PXDNL: variants seen among roughly 807,000 people sequenced by gnomAD.
PXDNL encodes probable oxidoreductase PXDNL.
Under a neutral mutation model 150.8 loss-of-function variants are expected in PXDNL, and 145 were observed. That is an observed-to-expected ratio of 0.96 (90% CI 0.84 to 1.10). PXDNL has a LOEUF of 1.10. Among genes scored for constraint, PXDNL ranks in the 50% least tolerant of loss-of-function variants. The pLI is 0.00. For synonymous variants in PXDNL, 757 were observed against 725.7 expected (o/e 1.04, Z -0.69); for missense variants, 2,087 against 1,873.9 (o/e 1.11, Z -2.10).
chr8:51,447,184 G>A, intron 11 of PXDNL, 22 bp from the exon 12 acceptor site: 1 of 1,611,122 alleles, frequency 6.2e-7, no homozygotes, highest in Non-Finnish European at 8.5e-7. Flanking sequence ...GGTAAAGAAA[G>A]TATTCTTCAT....
At chr8:51,651,064 C>CA (rs1815023212) in intron 2 of PXDNL, among the ~76,000 whole-genome samples, 1 of 152,022 alleles carries the variant, frequency 6.6e-6, no homozygotes, top group Non-Finnish European at 1.5e-5. Context: ...TATCAATATA[C>CA]AAAAATCAAT....
At chr8:51,337,001 T>C (rs1250698751) in intron 21 of PXDNL, among the ~76,000 whole-genome samples, 1 of 152,168 alleles carries the variant, frequency 6.6e-6, no homozygotes, top group Non-Finnish European at 1.5e-5. Context: ...AAACACAGAC[T>C]TTGTATCAGG....
intron 19 of PXDNL, among the ~76,000 whole-genome samples, chr8:51,363,499 C>A (rs985702114): frequency 2.0e-5 from 3 of 152,010 alleles, no homozygotes; most frequent in African/African-American, 7.2e-5. Flanking sequence ...ATTGAGCAAG[C>A]AGGGGGTACA....
chr8:51,409,253 C>CCG lies in PXDNL; in HGVS notation c.2369_2370dup (p.Ala791ArgfsTer21), dbSNP rs765630593. On this transcript the variant is annotated frameshift_variant, in exon 17 of 23. Coordinates refer to ENST00000356297, the MANE Select transcript of PXDNL (RefSeq NM_144651.5). LOFTEE classifies it high-confidence loss of function. ...TAGCTGTGGTCGGGGGTGACGGCCG[C>CCG]CGCGCGCGCCCACACTGTGGCGACC... 3 of 1,492,580 alleles carry CCG rather than the reference C, an allele frequency of 2.0e-6. No homozygotes were observed. The highest frequency in any genetic ancestry group is 1.3e-5 in the South Asian group (1 of 76,826). 92.5% of individuals were successfully genotyped at this position (1,492,580 alleles called of 1,614,324 possible). A position where few individuals can be genotyped will look rare whatever the true frequency, so the allele number is the denominator to read the frequency against.
intron 12 of PXDNL, among the ~76,000 whole-genome samples, chr8:51,442,978 A>G (rs1196954255): frequency 6.6e-6 from 1 of 152,148 alleles, no homozygotes; most frequent in African/African-American, 2.4e-5. Context: ...AAAGCACCTG[A>G]CCACATGATT....
intron 6 of PXDNL, among the ~76,000 whole-genome samples, chr8:51,479,738 G>T (rs1404053997): frequency 1.3e-5 from 2 of 152,074 alleles, no homozygotes; most frequent in Non-Finnish European, 2.9e-5. Context: ...TGGGAGTGAG[G>T]GATGAGAAAT....
chr8:51,722,368 C>T (rs1364330093), intron 1 of PXDNL, among the ~76,000 whole-genome samples: 1 of 152,222 alleles, frequency 6.6e-6, no homozygotes, highest in Non-Finnish European at 1.5e-5. Context: ...ACAGCGGCAT[C>T]CAGGGGTGGT....
At position 51,730,259 on chromosome 8, in the gene PXDNL, T is replaced by TA. The variant is rs144382157; in HGVS notation, c.165-75500dup. On this transcript the variant is annotated intron_variant, in intron 1 of 22. Transcript: ENST00000356297. ...TGTCCACTCAATTTTGCCATGAACC[T>TA]AAACTGCTCTAAATAATAAAGTCTG... 3.6e-3 allele frequency among the ~76,000 whole-genome samples: 548 copies of TA among 152,324 alleles called. 5 individuals are homozygous for TA. The highest frequency in any genetic ancestry group is 0.013 in the African/African-American group (520 of 41,568).
chr8:51,714,344 C>A (rs903055824), intron 1 of PXDNL, among the ~76,000 whole-genome samples: 1 of 152,156 alleles, frequency 6.6e-6, no homozygotes, highest in African/African-American at 2.4e-5. Flanking sequence ...GCGCTATTAT[C>A]CACCATCTTC....
intron 2 of PXDNL, among the ~76,000 whole-genome samples, chr8:51,649,219 G>A (rs1814985173): frequency 1.3e-5 from 2 of 152,126 alleles, no homozygotes; most frequent in African/African-American, 2.4e-5. Context: ...GGAAAAAAAC[G>A]GCAGTAGTTG....
intron 8 of PXDNL, among the ~76,000 whole-genome samples, chr8:51,464,288 C>T (rs943552848): frequency 5.6e-5 from 5 of 89,526 alleles, no homozygotes; most frequent in African/African-American, 1.2e-4. Flanking sequence ...TGTTTGAGCC[C>T]GGGAGGTCAA....
intron 14 of PXDNL, among the ~76,000 whole-genome samples, chr8:51,416,426 T>TAC (rs1808802572): frequency 6.6e-6 from 1 of 152,250 alleles, no homozygotes; most frequent in Non-Finnish European, 1.5e-5. Context: ...GTTATAGTTG[T>TAC]ATAAGATTTA....
chr8:51,493,001 A>C (rs1160738500), intron 5 of PXDNL, among the ~76,000 whole-genome samples: 1 of 152,144 alleles, frequency 6.6e-6, no homozygotes, highest in African/African-American at 2.4e-5. Context: ...GGGTCTCTGA[A>C]CCCTGAGTAG....
chr8:51,418,458 T>C (rs10093611), intron 14 of PXDNL, among the ~76,000 whole-genome samples: 24,861 of 152,164 alleles, frequency 0.16, 2,648 homozygotes, highest in East Asian at 0.3. Flanking sequence ...ATTGTCCACT[T>C]ATAACTCTGC....
chr8:51,608,050 AAAGAAAGCAAGCAAGCAAGC>A (rs1321120505), intron 2 of PXDNL, among the ~76,000 whole-genome samples: 76 of 124,666 alleles, frequency 6.1e-4, no homozygotes, highest in African/African-American at 1.8e-3. Flanking sequence ...AGAAAGAAAG[AAAGAAAGCAAGCAAGCAAGC>A]AAGCAAGCAA....
intron 14 of PXDNL, among the ~76,000 whole-genome samples, chr8:51,418,982 G>C (rs928137742): frequency 3.3e-5 from 5 of 152,166 alleles, no homozygotes; most frequent in African/African-American, 1.2e-4. Flanking sequence ...TGGAGTAAGG[G>C]AGCTGGGGAG....
At chr8:51,455,484 G>T (rs1208166338) in intron 9 of PXDNL, among the ~76,000 whole-genome samples, 2 of 152,128 alleles carry the variant, frequency 1.3e-5, no homozygotes, top group African/African-American at 4.8e-5. Flanking sequence ...CATGAAGTAT[G>T]AAAGCTGAAG....
intron 2 of PXDNL, among the ~76,000 whole-genome samples, chr8:51,637,979 C>T (rs949531612): frequency 1.1e-4 from 16 of 152,204 alleles, no homozygotes; most frequent in Non-Finnish European, 1.9e-4. Flanking sequence ...CAAGGGGAAG[C>T]CCATCAGACT....
chr8:51,793,713 A>C (rs2037533989), intron 1 of PXDNL, among the ~76,000 whole-genome samples: 1 of 152,120 alleles, frequency 6.6e-6, no homozygotes, highest in South Asian at 2.1e-4. Flanking sequence ...ACATAGTGAA[A>C]CACCGTCTGT....
Sources: gnomAD v4.1 joint callset for allele counts (sites outside exome capture counted in the v4.1 genomes callset) on GRCh38, gnomAD v4.1.1 for gene constraint, MANE v1.5 for transcripts, NCBI Gene and HGNC (gene_info 2026-07-23, HGNC 2026-07-21) for gene names.